The following CNTNAP5 variants were observed in gnomAD, a reference collection of about 807,000 sequenced individuals.
CNTNAP5 encodes contactin associated protein family member 5.
Under a neutral mutation model 150.2 loss-of-function variants are expected in CNTNAP5, and 72 were observed. The observed-to-expected ratio is 0.48, with a 90% CI of 0.40 to 0.58. The LOEUF is 0.58. CNTNAP5 is among the 20% of genes least tolerant of loss of function. The probability of loss-of-function intolerance (pLI) is 0.00; values close to 1 mark genes in which losing one functional copy is unlikely to be tolerated. For missense variants in CNTNAP5, 1,636 were observed against 1,626.2 expected, an observed-to-expected ratio of 1.01 and a Z score of -0.10; for synonymous variants, 672 against 619.8, an observed-to-expected ratio of 1.08 and a Z score of -1.25.
intron 3 of CNTNAP5, among the ~76,000 whole-genome samples, chr2:124,310,670 T>C (rs899355604): frequency 6.6e-6 from 1 of 152,030 alleles, no homozygotes; most frequent in Admixed American, 6.6e-5. Context: ...TATTAGAAGG[T>C]TGTCAAAGGC....
intron 14 of CNTNAP5, among the ~76,000 whole-genome samples, chr2:124,749,711 G>A (rs1457584597): frequency 2.6e-5 from 4 of 152,136 alleles, no homozygotes; most frequent in African/African-American, 7.2e-5. Context: ...AACGCTCCCG[G>A]CAGACTCTGA....
chr2:124,502,469 A>T (rs554667096), intron 7 of CNTNAP5, among the ~76,000 whole-genome samples: 13 of 152,286 alleles, frequency 8.5e-5, no homozygotes, highest in South Asian at 2.1e-4. Flanking sequence ...GCAACCTCCT[A>T]TGCCTTTGCC....
At chr2:124,566,369 A>T (rs765622915) in intron 11 of CNTNAP5, among the ~76,000 whole-genome samples, 8 of 152,128 alleles carry the variant, frequency 5.3e-5, no homozygotes, top group Admixed American at 2.0e-4. Flanking sequence ...ATCTCTATGG[A>T]TACTGTTCTC....
At chr2:124,261,889 A>G (rs145884336) in intron 3 of CNTNAP5, among the ~76,000 whole-genome samples, 4 of 152,320 alleles carry the variant, frequency 2.6e-5, no homozygotes, top group African/African-American at 9.6e-5. Flanking sequence ...TGCAGATTAA[A>G]CAAGCACAAT....
intron 1 of CNTNAP5, among the ~76,000 whole-genome samples, chr2:124,105,080 A>C (rs1224025441): frequency 6.6e-6 from 1 of 151,994 alleles, no homozygotes; most frequent in Non-Finnish European, 1.5e-5. Context: ...CCTTTTTAAT[A>C]CACACCTATT....
Position 124,643,446 on chromosome 2 carries a change from G to A in CNTNAP5, c.1877-4312G>A, listed in dbSNP as rs1408984094. Among the ~76,000 whole-genome samples the A allele has an allele frequency of 4.0e-5, 6 of 151,868 alleles. 1 individual carries two copies. The highest frequency in any genetic ancestry group is 3.9e-4 in the Admixed American group (6 of 15,248). On this transcript the variant is annotated intron_variant, in intron 12 of 23. Coordinates refer to ENST00000682447, the MANE Select transcript of CNTNAP5 (RefSeq NM_001367498.1). ...TTGAAGGAATTTCAGGAAATGCAAA[G>A]GACACAAATAAAGACAGAGATACAT... is the stretch of plus-strand genomic sequence containing the variant.
intron 2 of CNTNAP5, among the ~76,000 whole-genome samples, chr2:124,232,468 A>G (rs1430915996): frequency 1.3e-5 from 2 of 152,138 alleles, no homozygotes; most frequent in Non-Finnish European, 2.9e-5. Context: ...ACATGAGTTT[A>G]GGTTTACTGA....
chr2:124,910,981 T>C (rs954767367), intron 22 of CNTNAP5, among the ~76,000 whole-genome samples: 1 of 151,960 alleles, frequency 6.6e-6, no homozygotes, highest in Non-Finnish European at 1.5e-5. Context: ...TCTTATATCA[T>C]ATATGGTACT....
intron 2 of CNTNAP5, among the ~76,000 whole-genome samples, chr2:124,240,419 G>A (rs903580945): frequency 1.3e-5 from 2 of 152,074 alleles, no homozygotes; most frequent in Non-Finnish European, 2.9e-5. Context: ...CATTCTTATT[G>A]GAGAGAACTT....
chr2:124,811,283 G>A (rs1245846458), intron 19 of CNTNAP5, among the ~76,000 whole-genome samples: 1 of 152,106 alleles, frequency 6.6e-6, no homozygotes, highest in Admixed American at 6.6e-5. Flanking sequence ...AAAATAAGAA[G>A]AGTAATGGAA....
chr2:124,427,759 A>G (rs1436364178), intron 4 of CNTNAP5, among the ~76,000 whole-genome samples: 3 of 151,930 alleles, frequency 2.0e-5, no homozygotes, highest in African/African-American at 7.3e-5. Context: ...GCCCGGCCAA[A>G]CCCATATTAT....
intron 12 of CNTNAP5, among the ~76,000 whole-genome samples, chr2:124,646,236 C>G (rs1022031214): frequency 2.0e-5 from 3 of 152,148 alleles, no homozygotes; most frequent in Admixed American, 6.5e-5. Context: ...GTGTACAGAG[C>G]TAGTGAGGGA....
At position 124,689,643 on chromosome 2, in the gene CNTNAP5, G is replaced by T. The variant is rs538282092; in HGVS notation, c.2077+41685G>T. Among the ~76,000 whole-genome samples, 17 of 152,190 alleles carry T rather than the reference G, an allele frequency of 1.1e-4. No individual in the cohort carries two copies. The South Asian group carries it at 3.3e-3, about 30-fold the overall frequency. Reference sequence around the variant, plus strand: ...CACATATGTGTATGTTCAGATGTGTGAATGTGCATGTGTGTTTATGGTGCG... The same window carrying T: ...CACATATGTGTATGTTCAGATGTGTTAATGTGCATGTGTGTTTATGGTGCG... On this transcript the variant is annotated intron_variant, in intron 13 of 23. Coordinates refer to ENST00000682447, the MANE Select transcript of CNTNAP5 (RefSeq NM_001367498.1).
intron 1 of CNTNAP5, among the ~76,000 whole-genome samples, chr2:124,162,006 G>C (rs1182398254): frequency 6.6e-6 from 1 of 152,158 alleles, no homozygotes; most frequent in Admixed American, 6.6e-5. Context: ...AAGGGTAGCA[G>C]ATGCACACCA....
chr2:124,433,736 C>T (rs981920777), intron 4 of CNTNAP5, among the ~76,000 whole-genome samples: 3 of 151,976 alleles, frequency 2.0e-5, no homozygotes, highest in African/African-American at 2.4e-5. Flanking sequence ...TAGAACAACA[C>T]ATTCCAAATA....
chr2:124,493,526 G>C (rs919986046), intron 7 of CNTNAP5, among the ~76,000 whole-genome samples: 1 of 151,850 alleles, frequency 6.6e-6, no homozygotes, highest in Non-Finnish European at 1.5e-5. Flanking sequence ...ATTTTTAGTA[G>C]AGACGGGGTT....
At chr2:124,731,516 G>T (rs1275679219) in intron 13 of CNTNAP5, among the ~76,000 whole-genome samples, 1 of 151,768 alleles carries the variant, frequency 6.6e-6, no homozygotes, top group East Asian at 1.9e-4. Context: ...GGAGATCAGA[G>T]GGAACAAGAA....
chr2:124,912,421 A>C (rs763418841), intron 23 of CNTNAP5, among the ~76,000 whole-genome samples: 1 of 152,056 alleles, frequency 6.6e-6, no homozygotes, highest in East Asian at 1.9e-4. Flanking sequence ...GGGATGAATG[A>C]GCCAGCGAGG....
intron 3 of CNTNAP5, among the ~76,000 whole-genome samples, chr2:124,405,555 G>A (rs780584201): frequency 1.3e-5 from 2 of 151,964 alleles, no homozygotes; most frequent in East Asian, 3.9e-4. Context: ...TTTTACTTAC[G>A]ACCTCGGATC....
Sources: gnomAD v4.1 joint callset for allele counts (sites outside exome capture counted in the v4.1 genomes callset) on GRCh38, gnomAD v4.1.1 for gene constraint, MANE v1.5 for transcripts, NCBI Gene and HGNC (gene_info 2026-07-23, HGNC 2026-07-21) for gene names.